The following PTCHD4 variants were observed in gnomAD, a reference collection of about 807,000 sequenced individuals.
The protein encoded by PTCHD4 is patched domain containing 4.
PTCHD4 carries 33 observed loss-of-function variants against 58.1 expected under a neutral mutation model. The ratio of observed to expected loss-of-function variants is 0.57; its 90% CI spans 0.43 to 0.76. PTCHD4 has a LOEUF of 0.76. PTCHD4 is among the 30% of genes least tolerant of loss of function. The pLI is 0.00. For missense variants in PTCHD4, 1,058 were observed against 1,027.1 expected (o/e 1.03, Z -0.41); for synonymous variants, 478 against 409.6 (o/e 1.17, Z -2.02).
chr6:48,042,416 G>A (rs1331547007), intron 3 of PTCHD4, among the ~76,000 whole-genome samples: 2 of 151,854 alleles, frequency 1.3e-5, no homozygotes, highest in Admixed American at 6.6e-5. Context: ...TCAAAATAAG[G>A]ATCTAAAGGC....
Position 47,893,312 on chromosome 6 carries a change from A to T in PTCHD4, c.899-13376T>A, listed in dbSNP as rs574570228. 1.4e-4 allele frequency among the ~76,000 whole-genome samples: 21 copies of T among 152,320 alleles called. No individual in the cohort carries two copies. In the South Asian group the frequency reaches 4.1e-3, roughly 30 times the overall value. On this transcript the variant is annotated intron_variant, in intron 4 of 4. Coordinates refer to ENST00000339488, the MANE Select transcript of PTCHD4 (RefSeq NM_001384253.1). Reference sequence around the variant, plus strand: ...GCGCGAGCCACAACGACCAGGTTGTAGAGATTTTTCTAAAATGTGTTAGAC... The same window carrying T: ...GCGCGAGCCACAACGACCAGGTTGTTGAGATTTTTCTAAAATGTGTTAGAC...
chr6:47,998,847 G>A (rs143089555), intron 4 of PTCHD4, among the ~76,000 whole-genome samples: 13 of 152,192 alleles, frequency 8.5e-5, no homozygotes, highest in African/African-American at 3.1e-4. Context: ...AAGAAGAACA[G>A]AGAAGGAAAT....
In PTCHD4 at chr6:48,045,715, G is replaced by A. The variant is rs332581; in HGVS notation, c.417+22515C>T. Among the ~76,000 whole-genome samples, 17 of 151,324 alleles carry A rather than the reference G, an allele frequency of 1.1e-4. No homozygotes were observed. The East Asian group carries it at 2.5e-3, about 23-fold the overall frequency. On this transcript the variant is annotated intron_variant, in intron 3 of 4. Coordinates refer to ENST00000339488, the MANE Select transcript of PTCHD4 (RefSeq NM_001384253.1). ...AACATCATTTATTCAATATCACACA[G>A]CTATAAAGTAACAAGGCCAGGATGC...
In PTCHD4 at chr6:47,864,127, A is replaced by G. The variant is rs1456143602; in HGVS notation, c.*14176T>C. On this transcript the variant is annotated 3_prime_UTR_variant, in exon 5 of 5. Transcript: ENST00000339488. ...TGTGGTTCCTCAGACTAGTAGCATT[A>G]GCATCACCTGAAAACTTGTTAGAAA... Among the ~76,000 whole-genome samples, 3 of 152,040 alleles carry G rather than the reference A, an allele frequency of 2.0e-5. No homozygotes were observed. The highest frequency in any genetic ancestry group is 2.9e-5 in the Non-Finnish European group (2 of 67,904).
rs960650760 is a variant in PTCHD4 at position 47,862,844 on chromosome 6, T to C, written c.*15459A>G. Among the ~76,000 whole-genome samples, 1 of 151,882 alleles carries C rather than the reference T, an allele frequency of 6.6e-6. No individual in the cohort carries two copies. Among genetic ancestry groups the C allele is most frequent in the Non-Finnish European group, 1.5e-5 (1 of 67,832 alleles). ...AAGACAGGCTTCTCTAACATGACAT[T>C]ATCAATGTTTGCTTCCTGGAACACT... On this transcript the variant is annotated 3_prime_UTR_variant, in exon 5 of 5. Transcript: ENST00000339488.
At position 47,879,888 on chromosome 6, in the gene PTCHD4, G is replaced by A. The variant is rs1380443222; in HGVS notation, c.947C>T (p.Thr316Ile). The change falls in exon 5 of 5, where the codon ACC (threonine) becomes ATC (isoleucine). Residue 316 changes from threonine to isoleucine, a missense_variant. Physicochemically the swap from Thr to Ile is moderately conservative, Grantham distance 89. Coordinates refer to ENST00000339488, the MANE Select transcript of PTCHD4 (RefSeq NM_001384253.1). ...VFELLSGWRR[T>I]KENLPFKDRI... ...GTCTTTGAAGGGCAAGTTCTCTTTG[G>A]TTCTCCGCCATCCGGACAGAAGCTC... 1 of 1,586,104 alleles carries A rather than the reference G, an allele frequency of 6.3e-7. No individual in the cohort carries two copies. The highest frequency in any genetic ancestry group is 8.6e-7 in the Non-Finnish European group (1 of 1,165,516).
At chr6:47,896,815 A>T (rs984710349) in intron 4 of PTCHD4, among the ~76,000 whole-genome samples, 4 of 152,152 alleles carry the variant, frequency 2.6e-5, no homozygotes, top group African/African-American at 9.7e-5. Flanking sequence ...ATGGTTAAGA[A>T]ATGGAGGCTT....
chr6:48,024,743 C>T (rs16876940), intron 3 of PTCHD4, among the ~76,000 whole-genome samples: 14,867 of 151,970 alleles, frequency 0.098, 765 homozygotes, highest in South Asian at 0.14. Flanking sequence ...AGCTTTGTGG[C>T]GTTCTCTGCA....
At chr6:48,009,159 C>A in intron 3 of PTCHD4, 45 bp from the exon 4 acceptor site, 10 of 1,538,354 alleles carry the variant, frequency 6.5e-6, no homozygotes, top group Non-Finnish European at 8.7e-6. Flanking sequence ...GATGTATATT[C>A]CAGGGAATAG....
intron 3 of PTCHD4, among the ~76,000 whole-genome samples, chr6:48,049,304 T>C (rs1364195878): frequency 1.4e-5 from 2 of 143,776 alleles, no homozygotes; most frequent in Non-Finnish European, 3.0e-5. Context: ...AGTGCCAAGG[T>C]CAAGAAACCC....
At position 47,904,001 on chromosome 6, in the gene PTCHD4, G is replaced by T. The variant is rs546951987; in HGVS notation, c.899-24065C>A. 5.9e-5 allele frequency among the ~76,000 whole-genome samples: 9 copies of T among 152,234 alleles called. No homozygotes were observed. In the South Asian group the frequency reaches 1.5e-3, roughly 25 times the overall value. ...GATAGAGAAAACCTCAAGGGCAAAG[G>T]CACTGAAGCAGGAGACTGCCTGAAA... On this transcript the variant is annotated intron_variant, in intron 4 of 4. Transcript: ENST00000339488.
At chr6:47,984,877 A>G (rs991971996) in intron 4 of PTCHD4, among the ~76,000 whole-genome samples, 4 of 152,166 alleles carry the variant, frequency 2.6e-5, no homozygotes, top group Non-Finnish European at 5.9e-5. Flanking sequence ...GCAATTAGGT[A>G]GTTTATAAGT....
intron 4 of PTCHD4, among the ~76,000 whole-genome samples, chr6:47,972,845 T>A (rs1283471300): frequency 1.3e-5 from 2 of 152,082 alleles, no homozygotes; most frequent in African/African-American, 4.8e-5. Context: ...ATTAGAATTG[T>A]TTAATAATAA....
chr6:47,941,764 T>C (rs1405267489), intron 4 of PTCHD4, among the ~76,000 whole-genome samples: 13 of 152,248 alleles, frequency 8.5e-5, no homozygotes, highest in African/African-American at 3.1e-4. Context: ...TTTAGTGAAC[T>C]AATGTTTGTA....
intron 4 of PTCHD4, among the ~76,000 whole-genome samples, chr6:47,965,925 AAAAC>A (rs766631664): frequency 1.3e-5 from 2 of 152,170 alleles, no homozygotes; most frequent in Non-Finnish European, 2.9e-5. Context: ...AAAAAAACCA[AAAAC>A]AAACAAACAA....
intron 1 of PTCHD4, among the ~76,000 whole-genome samples, chr6:48,072,485 G>A (rs1230505891): frequency 6.6e-6 from 1 of 152,080 alleles, no homozygotes; most frequent in African/African-American, 2.4e-5. Flanking sequence ...ACAAAATGCT[G>A]CAGGCTCATC....
chr6:47,894,439 C>A (rs1764469777), intron 4 of PTCHD4, among the ~76,000 whole-genome samples: 1 of 152,190 alleles, frequency 6.6e-6, no homozygotes, highest in South Asian at 2.1e-4. Context: ...ATCTGTGTTA[C>A]TTCCCAACTA....
rs988266406 is a variant in PTCHD4 at position 47,856,968 on chromosome 6, T to G, written c.*21335A>C. Among the ~76,000 whole-genome samples the G allele has an allele frequency of 2.0e-5, 3 of 152,050 alleles. No homozygotes were observed. Among genetic ancestry groups the G allele is most frequent in the African/African-American group, 7.2e-5 (3 of 41,424 alleles). ...AAATAATGATATTAATAATTGGTAA[T>G]GAATCAAAACTGCCAAAAGCTGAAG... On this transcript the variant is annotated 3_prime_UTR_variant, in exon 5 of 5. Coordinates refer to ENST00000339488, the MANE Select transcript of PTCHD4 (RefSeq NM_001384253.1).
chr6:48,069,190 T>TG lies in PTCHD4; in HGVS notation c.-234dup, dbSNP rs1285804611. Reference sequence around the variant, plus strand: ...AGGAGGGAGAAGGGCGGGAGCACGTTGGGGGTGGGGGGGCAGATAAGCTTT... The same window carrying TG: ...AGGAGGGAGAAGGGCGGGAGCACGTTGGGGGGTGGGGGGGCAGATAAGCTTT... On this transcript the variant is annotated 5_prime_UTR_variant, in exon 2 of 5. An upstream open reading frame in the 5' UTR gains an earlier in-frame stop. Coordinates refer to ENST00000339488, the MANE Select transcript of PTCHD4 (RefSeq NM_001384253.1). 0.01 allele frequency among the ~76,000 whole-genome samples: 163 copies of TG among 16,040 alleles called. No homozygotes were observed. Among genetic ancestry groups the TG allele is most frequent in the African/African-American group, 0.011 (40 of 3,628 alleles). The allele number at this position is 16,040 out of a possible 152,430, so 10.5% of individuals were successfully genotyped here. A position where few individuals can be genotyped will look rare whatever the true frequency, so the allele number is the denominator to read the frequency against.
Sources: allele counts gnomAD v4.1 joint callset (sites outside exome capture counted in the v4.1 genomes callset), GRCh38; gene constraint gnomAD v4.1.1; transcripts MANE v1.5; gene names NCBI Gene and HGNC (gene_info 2026-07-23, HGNC 2026-07-21).